PTH: variants seen among roughly 807,000 people sequenced by gnomAD.
PTH encodes parathormone.
PTH carries 7 observed loss-of-function variants against 7.4 expected under a neutral mutation model. The ratio of observed to expected loss-of-function variants is 0.94; its 90% CI spans 0.53 to 1.77. The LOEUF (loss-of-function observed/expected upper bound fraction) is 1.77, where lower values mean the gene tolerates loss of function less well. PTH is among the 40% of genes most tolerant of loss of function. PTH has a pLI of 0.00. For missense variants in PTH, 128 were observed against 137.1 expected (o/e 0.93, Z 0.33); for synonymous variants, 51 against 46.6 (o/e 1.09, Z -0.39).
intron 1 of PTH, among the ~76,000 whole-genome samples, chr11:13,495,328 G>A (rs983196561): frequency 2.0e-5 from 3 of 152,064 alleles, no homozygotes; most frequent in African/African-American, 4.8e-5. Context: ...GAGTAGTTAT[G>A]TACTCCTATT....
rs1174822489 is a variant in PTH at position 13,492,468 on chromosome 11, T to A, written c.285A>T (p.Glu95Asp). 1 of 1,614,066 alleles carries A rather than the reference T, an allele frequency of 6.2e-7. No individual in the cohort carries two copies. The highest frequency in any genetic ancestry group is 8.5e-7 in the Non-Finnish European group (1 of 1,180,026). Residue 95 changes from glutamate (E) to aspartate (D), a missense_variant, in exon 3 of 3, where the codon GAA (glutamate) becomes GAT (aspartate). Glu to Asp is a conservative substitution (Grantham distance 45). Coordinates refer to ENST00000282091, the MANE Select transcript of PTH (RefSeq NM_000315.4). ...CTTTGTCTGCCTCTCCAAGACTTTTTTCATGGCTCTCAACCAAGACATTGT... is the reference window on the plus strand; with the variant it reads ...CTTTGTCTGCCTCTCCAAGACTTTTATCATGGCTCTCAACCAAGACATTGT... Reference protein sequence around the residue: ...KEDNVLVESHEKSLGEADKAD... With the variant: ...KEDNVLVESHDKSLGEADKAD...
chr11:13,494,005 CTCAT>C (rs892322427), intron 1 of PTH, among the ~76,000 whole-genome samples: 1 of 152,082 alleles, frequency 6.6e-6, no homozygotes, highest in African/African-American at 2.4e-5. Context: ...TAATTATTTC[CTCAT>C]TCACTCATCT....
chr11:13,492,972 A>G, intron 1 of PTH, 112 bp from the exon 2 acceptor site: 1 of 926,970 alleles, frequency 1.1e-6, no homozygotes, highest in Non-Finnish European at 1.7e-6. Context: ...AAGCTTTTGG[A>G]ATCAACCTCT....
chr11:13,494,633 T>G lies in PTH; in HGVS notation c.-6+1278A>C, dbSNP rs116993893. ...AAATACTTCTGACCTATCTTTATAC[T>G]CAGATCTCACCTCATCTCAAGTTTT... On this transcript the variant is annotated intron_variant, in intron 1 of 2. Coordinates refer to ENST00000282091, the MANE Select transcript of PTH (RefSeq NM_000315.4). 3.0e-4 allele frequency among the ~76,000 whole-genome samples: 46 copies of G among 152,326 alleles called. 1 individual carries two copies. The highest frequency in any genetic ancestry group is 1.4e-3 in the Admixed American group (22 of 15,294).
chr11:13,492,493 T>G lies in PTH; in HGVS notation c.260A>C (p.Asp87Ala), dbSNP rs1203498093. 2 of 1,614,186 alleles carry G rather than the reference T, an allele frequency of 1.2e-6. No homozygotes were observed. Among genetic ancestry groups the G allele is most frequent in the South Asian group, 2.2e-5 (2 of 91,080 alleles). ...TTCATGGCTCTCAACCAAGACATTG[T>G]CTTCCTTTTTTCGGGGCCTCTGGGA... ...AGSQRPRKKE[D>A]NVLVESHEKS... is the part of the protein sequence containing the mutation. The change falls in exon 3 of 3, where the codon GAC (aspartate) becomes GCC (alanine). Residue 87 changes from aspartate to alanine, a missense_variant. Coordinates refer to ENST00000282091, the MANE Select transcript of PTH (RefSeq NM_000315.4).
At chr11:13,496,175 T>C (rs1260588678), upstream of PTH, 3 of 152,168 alleles carry the variant, frequency 2.0e-5, no homozygotes, top group Non-Finnish European at 4.4e-5. Context: ...AATTGGATAC[T>C]AAAAGGAAAA....
intron 1 of PTH, among the ~76,000 whole-genome samples, chr11:13,494,720 A>G (rs1455375008): frequency 1.3e-5 from 2 of 152,194 alleles, no homozygotes; most frequent in African/African-American, 2.4e-5. Context: ...TTCTAATTAC[A>G]TAGACAATAG....
At chr11:13,494,083 GT>G (rs973681046) in intron 1 of PTH, among the ~76,000 whole-genome samples, 3 of 149,176 alleles carry the variant, frequency 2.0e-5, no homozygotes, top group East Asian at 1.9e-4. Flanking sequence ...AATAATTCAT[GT>G]TTTTTTTTTC....
upstream of PTH, chr11:13,496,135 G>A (rs1424119944): frequency 6.6e-6 from 1 of 151,876 alleles, no homozygotes; most frequent in Non-Finnish European, 1.5e-5. Context: ...ACACCCATTG[G>A]GCGGTGCACA....
chr11:13,494,926 G>A (rs989284785), intron 1 of PTH, among the ~76,000 whole-genome samples: 3 of 152,112 alleles, frequency 2.0e-5, no homozygotes, highest in African/African-American at 7.2e-5. Flanking sequence ...CACTATTTAC[G>A]TAGCAAATCC....
At chr11:13,495,372 A>C (rs960006116) in intron 1 of PTH, among the ~76,000 whole-genome samples, 37 of 152,228 alleles carry the variant, frequency 2.4e-4, no homozygotes, top group Non-Finnish European at 4.6e-4. Flanking sequence ...GAAATAGCAT[A>C]GGAAATACTG....
chr11:13,493,978 C>T (rs1053535947), intron 1 of PTH, among the ~76,000 whole-genome samples: 4 of 152,128 alleles, frequency 2.6e-5, no homozygotes, highest in African/African-American at 9.7e-5. Context: ...TATCAATTGT[C>T]ACTGACCTTT....
At chr11:13,494,247 C>A (rs1157144084) in intron 1 of PTH, among the ~76,000 whole-genome samples, 1 of 152,172 alleles carries the variant, frequency 6.6e-6, no homozygotes, top group East Asian at 1.9e-4. Flanking sequence ...CCACGGAGGT[C>A]ACCAGCCCTC....
upstream of PTH, chr11:13,496,105 G>T (rs1847532855): frequency 6.6e-6 from 1 of 151,928 alleles, no homozygotes; most frequent in Admixed American, 6.6e-5. Context: ...TCAACTATAG[G>T]TTCAAAGCAG....
At chr11:13,495,659 A>AT (rs1417819383) in intron 1 of PTH, among the ~76,000 whole-genome samples, 2 of 152,148 alleles carry the variant, frequency 1.3e-5, no homozygotes, top group African/African-American at 4.8e-5. Context: ...AATTTTAATG[A>AT]TTTTTTGTTG....
chr11:13,492,941 A>G (rs1200133994), intron 1 of PTH, 81 bp from the exon 2 acceptor site: 2 of 1,308,474 alleles, frequency 1.5e-6, no homozygotes, highest in South Asian at 1.3e-5. Flanking sequence ...AATACTAACT[A>G]ATTGGGTTGG....
intron 1 of PTH, among the ~76,000 whole-genome samples, chr11:13,495,315 A>G (rs1847525350): frequency 6.6e-6 from 1 of 152,216 alleles, no homozygotes; most frequent in Non-Finnish European, 1.5e-5. Context: ...TAACATACAC[A>G]TAGAGTAGTT....
intron 1 of PTH, among the ~76,000 whole-genome samples, chr11:13,493,866 A>G (rs1335911498): frequency 6.6e-6 from 1 of 152,172 alleles, no homozygotes; most frequent in Admixed American, 6.5e-5. Context: ...ATCCTCCCCC[A>G]GAATTAACAT....
At position 13,492,464 on chromosome 11, in the gene PTH, T is replaced by G. The variant is rs373174306; in HGVS notation, c.289A>C (p.Ser97Arg). Residue 97 changes from serine to arginine, a missense_variant, in exon 3 of 3, where the codon AGT (serine) becomes CGT (arginine). Ser to Arg is a moderately radical substitution (Grantham distance 110, BLOSUM62 -1). Coordinates refer to ENST00000282091, the MANE Select transcript of PTH (RefSeq NM_000315.4). The stretch of plus-strand genomic sequence containing the variant: ...TCAGCTTTGTCTGCCTCTCCAAGAC[T>G]TTTTTCATGGCTCTCAACCAAGACA... ...DNVLVESHEKSLGEADKADVN... is the reference protein window; with the variant it reads ...DNVLVESHEKRLGEADKADVN... 2 of 1,614,006 alleles carry G rather than the reference T, an allele frequency of 1.2e-6. No individual in the cohort carries two copies.
Sources: gnomAD v4.1 joint callset for allele counts (sites outside exome capture counted in the v4.1 genomes callset) on GRCh38, gnomAD v4.1.1 for gene constraint, MANE v1.5 for transcripts, NCBI Gene and HGNC (gene_info 2026-07-23, HGNC 2026-07-21) for gene names.